The following MAGI2 variants were observed in gnomAD, a reference collection of about 807,000 sequenced individuals.
MAGI2 encodes the protein membrane-associated guanylate kinase, WW and PDZ domain-containing protein 2.
In MAGI2, 35 loss-of-function variants were observed where a neutral mutation model predicts 133.3. The ratio of observed to expected loss-of-function variants is 0.26; its 90% CI spans 0.20 to 0.35. The LOEUF is 0.35. Ranked by LOEUF, MAGI2 falls within the 10% of genes least tolerant of loss-of-function variation. MAGI2 has a pLI of 1.00. For synonymous variants in MAGI2, 729 were observed against 710.6 expected (o/e 1.03, Z -0.41); for missense variants, 1,636 against 1,863.4 (o/e 0.88, Z 2.25).
intron 6 of MAGI2, among the ~76,000 whole-genome samples, chr7:78,411,629 G>T (rs1308452530): frequency 6.6e-6 from 1 of 151,948 alleles, no homozygotes; most frequent in African/African-American, 2.4e-5. Context: ...ATCACTTAGG[G>T]TCATTTCTTG....
intron 9 of MAGI2, among the ~76,000 whole-genome samples, chr7:78,331,104 A>G (rs1244862455): frequency 8.5e-5 from 13 of 152,210 alleles, no homozygotes; most frequent in Admixed American, 8.5e-4. Context: ...GTGAATTAAC[A>G]CAAGAACAAA....
intron 12 of MAGI2, among the ~76,000 whole-genome samples, chr7:78,194,543 TA>T (rs201755439): frequency 6.6e-6 from 1 of 150,946 alleles, no homozygotes; most frequent in Non-Finnish European, 1.5e-5. Context: ...TTAAACAGAT[TA>T]AAAAAAAAGC....
At chr7:79,008,258 CAGAATT>C (rs1176677920) in intron 1 of MAGI2, among the ~76,000 whole-genome samples, 1 of 152,070 alleles carries the variant, frequency 6.6e-6, no homozygotes, top group Non-Finnish European at 1.5e-5. Flanking sequence ...TTCTGAGTCT[CAGAATT>C]AGAATTCATG....
chr7:78,295,730 T>C (rs1797163264), intron 9 of MAGI2, among the ~76,000 whole-genome samples: 1 of 152,166 alleles, frequency 6.6e-6, no homozygotes, highest in African/African-American at 2.4e-5. Context: ...ATCTATTATG[T>C]CAGTAGCCCT....
intron 21 of MAGI2, among the ~76,000 whole-genome samples, chr7:78,066,376 C>A (rs930253101): frequency 6.6e-6 from 1 of 151,786 alleles, no homozygotes; most frequent in African/African-American, 2.4e-5. Context: ...GCAAGAGAAT[C>A]ACTTGAACCC....
chr7:78,639,316 G>A (rs1810018485), intron 2 of MAGI2, among the ~76,000 whole-genome samples: 1 of 152,028 alleles, frequency 6.6e-6, no homozygotes, highest in African/African-American at 2.4e-5. Context: ...CAGATTATAT[G>A]GCATAAATCA....
chr7:79,134,153 A>C (rs1433574376), intron 1 of MAGI2, among the ~76,000 whole-genome samples: 1 of 152,174 alleles, frequency 6.6e-6, no homozygotes, highest in Non-Finnish European at 1.5e-5. Context: ...ACCAAATTAA[A>C]ATTGCAATAC....
At chr7:78,646,865 C>T (rs1005615743) in intron 2 of MAGI2, among the ~76,000 whole-genome samples, 1 of 152,106 alleles carries the variant, frequency 6.6e-6, no homozygotes, top group African/African-American at 2.4e-5. Context: ...TTCCTTCAAA[C>T]CTCCTTCTTT....
chr7:78,665,928 A>C (rs796746478), intron 2 of MAGI2, among the ~76,000 whole-genome samples: 29 of 152,272 alleles, frequency 1.9e-4, no homozygotes, highest in African/African-American at 7.0e-4. Flanking sequence ...AAATACTGAC[A>C]ATTAACCAGG....
intron 1 of MAGI2, among the ~76,000 whole-genome samples, chr7:79,365,867 C>CAAAAAAAAAAA (rs71095399): frequency 1.2e-4 from 6 of 48,876 alleles, no homozygotes; most frequent in Admixed American, 4.5e-4. Flanking sequence ...ACTCTTGTCT[C>CAAAAAAAAAAA]AAAAAAAAAA....
At chr7:78,717,927 T>C (rs1467668758) in intron 2 of MAGI2, among the ~76,000 whole-genome samples, 2 of 152,182 alleles carry the variant, frequency 1.3e-5, no homozygotes, top group African/African-American at 2.4e-5. Flanking sequence ...AATTTTCAAT[T>C]ACTGACTTCG....
intron 9 of MAGI2, among the ~76,000 whole-genome samples, chr7:78,284,369 A>G (rs894395245): frequency 2.0e-5 from 3 of 151,862 alleles, no homozygotes; most frequent in African/African-American, 7.3e-5. Flanking sequence ...TGGCAAATAC[A>G]CTTTTATCCA....
At chr7:78,841,489 C>G (rs1395469517) in intron 2 of MAGI2, among the ~76,000 whole-genome samples, 1 of 151,916 alleles carries the variant, frequency 6.6e-6, no homozygotes, top group African/African-American at 2.4e-5. Context: ...GAGATCTCAT[C>G]CTTACACATG....
intron 1 of MAGI2, among the ~76,000 whole-genome samples, chr7:79,030,918 G>C (rs1810507849): frequency 6.6e-6 from 1 of 152,156 alleles, no homozygotes; most frequent in Non-Finnish European, 1.5e-5. Context: ...CAAAAGCTTG[G>C]AATGATATGG....
intron 2 of MAGI2, among the ~76,000 whole-genome samples, chr7:78,882,520 A>T (rs1248845773): frequency 6.6e-6 from 1 of 152,094 alleles, no homozygotes; most frequent in East Asian, 1.9e-4. Context: ...CTATGAAGCC[A>T]GTGTCACCCT....
At chr7:78,931,125 A>C (rs1255591024) in intron 2 of MAGI2, among the ~76,000 whole-genome samples, 1 of 152,080 alleles carries the variant, frequency 6.6e-6, no homozygotes, top group African/African-American at 2.4e-5. Context: ...TAAAGCTTCA[A>C]CCCACGTCAA....
chr7:79,190,595 A>C (rs962839916), intron 1 of MAGI2, among the ~76,000 whole-genome samples: 6 of 151,834 alleles, frequency 4.0e-5, no homozygotes, highest in African/African-American at 1.5e-4. Context: ...TTGCCCATTA[A>C]AAAGTTAGCA....
intron 1 of MAGI2, among the ~76,000 whole-genome samples, chr7:79,288,254 T>A (rs1836178408): frequency 6.6e-6 from 1 of 152,150 alleles, no homozygotes; most frequent in South Asian, 2.1e-4. Context: ...ATCTAGAGAA[T>A]GGGAATTATA....
chr7:78,714,747 T>C (rs1203701985), intron 2 of MAGI2, among the ~76,000 whole-genome samples: 1 of 152,150 alleles, frequency 6.6e-6, no homozygotes. Flanking sequence ...ACTTCCATCA[T>C]GGTAGGAGGG....
Sources: gnomAD v4.1 joint callset for allele counts (sites outside exome capture counted in the v4.1 genomes callset) on GRCh38, gnomAD v4.1.1 for gene constraint, MANE v1.5 for transcripts, NCBI Gene and HGNC (gene_info 2026-07-23, HGNC 2026-07-21) for gene names.